Variants in KCNN2 observed in about 807,000 individuals in gnomAD.
The protein encoded by KCNN2 is potassium calcium-activated channel subfamily N member 2.
A neutral mutation model predicts 55.5 loss-of-function variants in KCNN2; 24 were observed. That is an observed-to-expected ratio of 0.43 (90% confidence interval 0.31 to 0.61). The LOEUF is 0.61. Among genes scored for constraint, KCNN2 ranks in the 20% least tolerant of loss-of-function variants. The probability of loss-of-function intolerance (pLI) is 0.08; values close to 1 mark genes in which losing one functional copy is unlikely to be tolerated. For missense variants in KCNN2, 754 were observed against 853.6 expected, an observed-to-expected ratio of 0.88 and a Z score of 1.45; for synonymous variants, 431 against 336.1, an observed-to-expected ratio of 1.28 and a Z score of -3.09.
intron 2 of KCNN2, among the ~76,000 whole-genome samples, chr5:114,239,289 G>C (rs1423540535): frequency 6.6e-6 from 1 of 152,132 alleles, no homozygotes; most frequent in African/African-American, 2.4e-5. Context: ...TATTTCAGCT[G>C]ACTGATAAAA....
At chr5:114,257,972 GT>G (rs1262285965) in intron 2 of KCNN2, among the ~76,000 whole-genome samples, 1 of 152,122 alleles carries the variant, frequency 6.6e-6, no homozygotes, top group African/African-American at 2.4e-5. Flanking sequence ...GATGTTGGTG[GT>G]GGGTTTGCAT....
chr5:114,347,982 C>T (rs1187318808), intron 2 of KCNN2, among the ~76,000 whole-genome samples: 1 of 152,092 alleles, frequency 6.6e-6, no homozygotes, highest in Non-Finnish European at 1.5e-5. Flanking sequence ...CTGTTAATAT[C>T]AAGTGAGACC....
intron 2 of KCNN2, among the ~76,000 whole-genome samples, chr5:114,294,189 T>A (rs1386499838): frequency 1.3e-5 from 2 of 152,184 alleles, no homozygotes; most frequent in Non-Finnish European, 2.9e-5. Context: ...TGTCTCTATT[T>A]CCTTCAGTTC....
At chr5:114,139,696 T>A (rs1752238226) in intron 1 of KCNN2, among the ~76,000 whole-genome samples, 1 of 151,676 alleles carries the variant, frequency 6.6e-6, no homozygotes, top group Non-Finnish European at 1.5e-5. Context: ...TGTCTAAATA[T>A]TCACATATAC....
intron 2 of KCNN2, among the ~76,000 whole-genome samples, chr5:114,399,782 A>G (rs975478385): frequency 6.6e-6 from 1 of 152,004 alleles, no homozygotes; most frequent in African/African-American, 2.4e-5. Flanking sequence ...CCATTTTGGA[A>G]CTTGTTATTG....
chr5:114,369,759 C>T (rs563031401), intron 2 of KCNN2, among the ~76,000 whole-genome samples: 15 of 152,202 alleles, frequency 9.9e-5, no homozygotes, highest in Admixed American at 1.3e-4. Flanking sequence ...ATGGGTGTAA[C>T]GCTAAATAAA....
intron 3 of KCNN2, among the ~76,000 whole-genome samples, chr5:114,429,350 T>C (rs1407976569): frequency 1.3e-5 from 2 of 152,116 alleles, no homozygotes; most frequent in East Asian, 1.9e-4. Flanking sequence ...TTTTCTAGTA[T>C]GTATGTAGTG....
At chr5:114,084,213 A>T (rs1750964078) in intron 1 of KCNN2, among the ~76,000 whole-genome samples, 1 of 152,100 alleles carries the variant, frequency 6.6e-6, no homozygotes, top group Admixed American at 6.6e-5. Context: ...TGATTACTGT[A>T]TGGTATAGCA....
At chr5:114,188,927 T>C (rs923934284) in intron 1 of KCNN2, among the ~76,000 whole-genome samples, 6 of 152,290 alleles carry the variant, frequency 3.9e-5, no homozygotes, top group Non-Finnish European at 7.4e-5. Flanking sequence ...TGGGAGTTTT[T>C]GGCAATTTGA....
intron 3 of KCNN2, among the ~76,000 whole-genome samples, chr5:114,407,378 C>T (rs549110008): frequency 3.3e-5 from 5 of 152,110 alleles, no homozygotes; most frequent in African/African-American, 1.2e-4. Flanking sequence ...TTTACTTCTT[C>T]TGTATTGTGT....
At chr5:114,451,835 T>C (rs868729120) in intron 3 of KCNN2, among the ~76,000 whole-genome samples, 6 of 150,540 alleles carry the variant, frequency 4.0e-5, no homozygotes, top group South Asian at 2.1e-4. Context: ...TGGCGGAGCT[T>C]GCAGTGAGCC....
At chr5:114,271,562 C>A (rs908713202) in intron 2 of KCNN2, among the ~76,000 whole-genome samples, 1 of 152,164 alleles carries the variant, frequency 6.6e-6, no homozygotes, top group Non-Finnish European at 1.5e-5. Context: ...TGATTTCACT[C>A]CACAGGGAAG....
At chr5:114,474,177 T>A (rs1242830889) in intron 5 of KCNN2, among the ~76,000 whole-genome samples, 6 of 152,214 alleles carry the variant, frequency 3.9e-5, no homozygotes, top group Non-Finnish European at 8.8e-5. Context: ...GGTTGTATAT[T>A]TAAAAGTAAT....
At chr5:114,109,131 G>A (rs994328926) in intron 1 of KCNN2, among the ~76,000 whole-genome samples, 1 of 152,018 alleles carries the variant, frequency 6.6e-6, no homozygotes, top group African/African-American at 2.4e-5. Flanking sequence ...AATGGGGAAG[G>A]ATGTGTTTCC....
At chr5:114,332,179 G>A (rs150916000) in intron 2 of KCNN2, among the ~76,000 whole-genome samples, 18 of 152,264 alleles carry the variant, frequency 1.2e-4, no homozygotes, top group African/African-American at 4.1e-4. Flanking sequence ...TTCCCTCAGG[G>A]AATTTACAGT....
At chr5:114,058,758 A>T (rs1331763093) in intron 1 of KCNN2, among the ~76,000 whole-genome samples, 2 of 152,174 alleles carry the variant, frequency 1.3e-5, no homozygotes, top group African/African-American at 4.8e-5. Context: ...AAAGGGTGGA[A>T]AAGTTTTAAG....
intron 2 of KCNN2, among the ~76,000 whole-genome samples, chr5:114,221,642 G>A (rs1754141235): frequency 6.6e-6 from 1 of 152,188 alleles, no homozygotes; most frequent in African/African-American, 2.4e-5. Context: ...CAAAAGTTAG[G>A]TCAGCTGAAT....
chr5:114,169,007 C>T (rs1158296638), intron 1 of KCNN2, among the ~76,000 whole-genome samples: 2 of 152,052 alleles, frequency 1.3e-5, no homozygotes, highest in South Asian at 2.1e-4. Flanking sequence ...TGAGTGAGTT[C>T]TCACAAGATC....
At chr5:114,283,432 A>G (rs1238280839) in intron 2 of KCNN2, among the ~76,000 whole-genome samples, 5 of 152,126 alleles carry the variant, frequency 3.3e-5, no homozygotes, top group East Asian at 1.9e-4. Context: ...CACATTTGCT[A>G]TAATCTTAAA....
Sources: allele counts gnomAD v4.1 joint callset (sites outside exome capture counted in the v4.1 genomes callset), GRCh38; gene constraint gnomAD v4.1.1; transcripts MANE v1.5; gene names NCBI Gene and HGNC (gene_info 2026-07-23, HGNC 2026-07-21).